DOCK4: variants seen among roughly 807,000 people sequenced by gnomAD.
The protein encoded by DOCK4 is dedicator of cytokinesis protein 4.
A neutral mutation model predicts 268.1 loss-of-function variants in DOCK4; 97 were observed. The observed-to-expected ratio is 0.36, with a 90% CI of 0.31 to 0.43. The LOEUF (loss-of-function observed/expected upper bound fraction) is 0.43, where lower values mean the gene tolerates loss of function less well. Among genes scored for constraint, DOCK4 ranks in the 20% least tolerant of loss-of-function variants. DOCK4 has a pLI of 1.00. For synonymous variants in DOCK4, 954 were observed against 887.2 expected, an observed-to-expected ratio of 1.08 and a Z score of -1.34; for missense variants, 2,145 against 2,455.7, an observed-to-expected ratio of 0.87 and a Z score of 2.67.
At chr7:112,034,784 C>A (rs1803595483) in intron 1 of DOCK4, among the ~76,000 whole-genome samples, 1 of 152,114 alleles carries the variant, frequency 6.6e-6, no homozygotes, top group African/African-American at 2.4e-5. Context: ...CACCTGTAAT[C>A]CCGGCTACTC....
chr7:112,165,287 A>C (rs1160284960), intron 1 of DOCK4, among the ~76,000 whole-genome samples: 1 of 151,932 alleles, frequency 6.6e-6, no homozygotes, highest in Non-Finnish European at 1.5e-5. Flanking sequence ...GTAACCTTTA[A>C]CCTACTTCTC....
At chr7:111,758,823 T>A (rs767067700) in intron 40 of DOCK4, 33 bp from the exon 41 acceptor site, 1 of 1,608,968 alleles carries the variant, frequency 6.2e-7, no homozygotes, top group Non-Finnish European at 8.5e-7. Flanking sequence ...AGAACCTGAC[T>A]TGGCAAACTC....
intron 14 of DOCK4, 74 bp downstream of exon 14, chr7:111,901,603 C>T: frequency 7.1e-7 from 1 of 1,400,594 alleles, no homozygotes; most frequent in Non-Finnish European, 9.7e-7. Context: ...CAGAAAATAA[C>T]TGATCACATT....
intron 11 of DOCK4, among the ~76,000 whole-genome samples, chr7:111,939,253 C>G (rs376178686): frequency 6.6e-6 from 1 of 152,202 alleles, no homozygotes; most frequent in African/African-American, 2.4e-5. Flanking sequence ...TGGTGGCTCA[C>G]GCCTGTAATC....
chr7:112,083,619 T>TCACTCCC (rs1308831567), intron 1 of DOCK4, among the ~76,000 whole-genome samples: 5 of 152,058 alleles, frequency 3.3e-5, no homozygotes, highest in Admixed American at 6.6e-5. Flanking sequence ...AAACAAAGCT[T>TCACTCCC]CACTCCCCAG....
intron 1 of DOCK4, among the ~76,000 whole-genome samples, chr7:112,180,161 G>T (rs1316503898): frequency 6.6e-6 from 1 of 152,104 alleles, no homozygotes; most frequent in Non-Finnish European, 1.5e-5. Context: ...GACCATAAAA[G>T]AGAAATGGCA....
In DOCK4 at chr7:111,938,997, G is replaced by A. The variant is rs187430184; in HGVS notation, c.977+1113C>T. ...TCAAAAAAAAAAAAAAAAAGTTGGG[G>A]GGGTGGGGGATTGGACCCAGAGAAA... On this transcript the variant is annotated intron_variant, in intron 11 of 52. Transcript: ENST00000428084. Among the ~76,000 whole-genome samples the A allele has an allele frequency of 9.1e-3, 1,377 of 150,752 alleles. 9 individuals are homozygous for A. Among genetic ancestry groups the A allele is most frequent in the South Asian group, 0.045 (213 of 4,730 alleles).
In DOCK4 at chr7:111,727,978, T is replaced by TTAAAC. The variant is rs1421225137; in HGVS notation, c.*291_*295dup. 3.3e-6 allele frequency: 1 copy of TTAAAC among 305,862 alleles called. No homozygotes were observed. Among genetic ancestry groups the TTAAAC allele is most frequent in the Non-Finnish European group, 5.9e-6 (1 of 168,800 alleles). 18.9% of individuals were successfully genotyped at this position (305,862 alleles called of 1,614,324 possible). A position where few individuals can be genotyped will look rare whatever the true frequency, so the allele number is the denominator to read the frequency against. On this transcript the variant is annotated 3_prime_UTR_variant, in exon 53 of 53. Transcript: ENST00000428084. ...TGACAATATCGTATTGGTTTTAAGA[T>TTAAAC]TAAACTATATAAAAAAAAGTGAACA...
chr7:112,141,101 C>A (rs1814882701), intron 1 of DOCK4, among the ~76,000 whole-genome samples: 1 of 152,192 alleles, frequency 6.6e-6, no homozygotes, highest in Non-Finnish European at 1.5e-5. Flanking sequence ...AAGCATCTTG[C>A]ATCAACAATC....
chr7:112,118,139 T>C (rs937570136), intron 1 of DOCK4, among the ~76,000 whole-genome samples: 3 of 150,694 alleles, frequency 2.0e-5, no homozygotes, highest in African/African-American at 4.9e-5. Flanking sequence ...TTATAATATA[T>C]ATATATATAT....
intron 27 of DOCK4, among the ~76,000 whole-genome samples, chr7:111,818,063 T>C (rs1485891430): frequency 1.3e-5 from 2 of 152,332 alleles, no homozygotes; most frequent in East Asian, 3.9e-4. Context: ...TACTGTACTC[T>C]GCTGGTTCTC....
intron 6 of DOCK4, among the ~76,000 whole-genome samples, chr7:111,988,709 A>G (rs1799248012): frequency 6.6e-6 from 1 of 152,238 alleles, no homozygotes; most frequent in Non-Finnish European, 1.5e-5. Context: ...TTTGAGAACA[A>G]GATCCATTTT....
intron 41 of DOCK4, among the ~76,000 whole-genome samples, chr7:111,757,626 G>C (rs925211816): frequency 5.9e-5 from 9 of 152,046 alleles, no homozygotes; most frequent in Admixed American, 5.9e-4. Context: ...ACAAGGGACT[G>C]CTCTTTATTC....
intron 1 of DOCK4, among the ~76,000 whole-genome samples, chr7:112,056,754 C>T (rs1805853641): frequency 6.6e-6 from 1 of 152,118 alleles, no homozygotes; most frequent in Non-Finnish European, 1.5e-5. Context: ...CATGTGCAAA[C>T]AAAAACTAGT....
intron 12 of DOCK4, among the ~76,000 whole-genome samples, chr7:111,934,758 C>G (rs892990852): frequency 3.4e-5 from 5 of 148,136 alleles, no homozygotes; most frequent in African/African-American, 1.2e-4. Context: ...CCAGGATGGT[C>G]TCGATCTCCT....
intron 1 of DOCK4, among the ~76,000 whole-genome samples, chr7:112,146,117 T>C (rs1489055984): frequency 2.0e-5 from 3 of 152,292 alleles, no homozygotes; most frequent in Non-Finnish European, 4.4e-5. Context: ...AGCACAAAGA[T>C]TGGTTTTTGT....
Position 112,206,089 on chromosome 7 carries a change from C to A in DOCK4, c.37+13G>T. The A allele has an allele frequency of 6.3e-7, 1 of 1,576,046 alleles. No homozygotes were observed. The highest frequency in any genetic ancestry group is 2.3e-5 in the East Asian group (1 of 42,630). ...GCCAGAGCAGAATAAAAGTTCGCCC[C>A]GCGGAGACTCACCCACGCCGTATTT... is the stretch of plus-strand genomic sequence containing the variant. On this transcript the variant is annotated intron_variant, in intron 1 of 52. Transcript: ENST00000428084.
chr7:112,189,746 G>GTTTTTTTT lies in DOCK4; in HGVS notation c.37+16348_37+16355dup, dbSNP rs57399750. ...TGTTTTTATTCTCTGTCTGGGTTTTGTTTTTTTTTTTTTTTTTTTTTGAGA... is the reference window on the plus strand; with the variant it reads ...TGTTTTTATTCTCTGTCTGGGTTTTGTTTTTTTTTTTTTTTTTTTTTTTTTTTTTGAGA... On this transcript the variant is annotated intron_variant, in intron 1 of 52. Transcript: ENST00000428084. Among the ~76,000 whole-genome samples the GTTTTTTTT allele has an allele frequency of 3.0e-3, 285 of 95,632 alleles. 1 individual carries two copies. The highest frequency in any genetic ancestry group is 3.5e-3 in the Non-Finnish European group (185 of 52,228). 62.7% of individuals were successfully genotyped at this position (95,632 alleles called of 152,430 possible). A position where few individuals can be genotyped will look rare whatever the true frequency, so the allele number is the denominator to read the frequency against.
intron 16 of DOCK4, among the ~76,000 whole-genome samples, chr7:111,878,324 T>C (rs1807084312): frequency 1.3e-5 from 2 of 152,184 alleles, no homozygotes; most frequent in African/African-American, 4.8e-5. Context: ...ATAAAAAACG[T>C]AGTGATCAGA....
Sources: gnomAD v4.1 joint callset for allele counts (sites outside exome capture counted in the v4.1 genomes callset) on GRCh38, gnomAD v4.1.1 for gene constraint, MANE v1.5 for transcripts, NCBI Gene and HGNC (gene_info 2026-07-23, HGNC 2026-07-21) for gene names.